TSPAN18: variants seen among roughly 807,000 people sequenced by gnomAD.
TSPAN18 encodes the protein tetraspanin 18, also known as tetraspanin-18.
Under a neutral mutation model 27.3 loss-of-function variants are expected in TSPAN18, and 14 were observed. The ratio of observed to expected loss-of-function variants is 0.51; its 90% confidence interval spans 0.34 to 0.80. The LOEUF is 0.80. Ranked by LOEUF, TSPAN18 falls within the 30% of genes least tolerant of loss-of-function variation. The pLI, the probability that TSPAN18 is intolerant of heterozygous loss-of-function variation, is 0.01. For missense variants in TSPAN18, 268 were observed against 323.9 expected (o/e 0.83, Z 1.32); for synonymous variants, 143 against 136.5 (o/e 1.05, Z -0.33).
At chr11:44,753,543 C>T (rs906031291) in intron 1 of TSPAN18, among the ~76,000 whole-genome samples, 1 of 152,172 alleles carries the variant, frequency 6.6e-6, no homozygotes, top group African/African-American at 2.4e-5. Flanking sequence ...CTGGACTCGC[C>T]GCTGCCACCC....
intron 2 of TSPAN18, chr11:44,859,664 C>T (rs1857825538): frequency 1.3e-5 from 2 of 152,324 alleles, no homozygotes; most frequent in South Asian, 2.1e-4. Context: ...AGCATCGTCC[C>T]CCGTCCGCCA....
intron 2 of TSPAN18, among the ~76,000 whole-genome samples, chr11:44,816,815 C>T (rs1856826629): frequency 6.6e-6 from 1 of 152,188 alleles, no homozygotes; most frequent in African/African-American, 2.4e-5. Context: ...GGCCATGGTG[C>T]CTCCTGAGCA....
At chr11:44,808,515 C>T (rs1856648766) in intron 2 of TSPAN18, among the ~76,000 whole-genome samples, 1 of 152,208 alleles carries the variant, frequency 6.6e-6, no homozygotes, top group Non-Finnish European at 1.5e-5. Context: ...GGGATCATCA[C>T]CTGATCTGTG....
chr11:44,839,047 T>G (rs2135160616), intron 2 of TSPAN18, among the ~76,000 whole-genome samples: 1 of 152,270 alleles, frequency 6.6e-6, no homozygotes, highest in East Asian at 1.9e-4. Context: ...GAGGGCCTTA[T>G]CCAATCCGTT....
At chr11:44,819,364 T>C (rs1046660078) in intron 2 of TSPAN18, among the ~76,000 whole-genome samples, 14 of 152,214 alleles carry the variant, frequency 9.2e-5, no homozygotes, top group African/African-American at 3.4e-4. Context: ...CAGAAACGGC[T>C]GCATTTCAGG....
chr11:44,912,399 G>GTC (rs1241343765), intron 5 of TSPAN18, among the ~76,000 whole-genome samples: 1 of 151,082 alleles, frequency 6.6e-6, no homozygotes, highest in African/African-American at 2.4e-5. Flanking sequence ...CCGTTTCCCT[G>GTC]TCTCTCTCTC....
Position 44,800,006 on chromosome 11 carries a change from G to GTT in TSPAN18, c.-153+35515_-153+35516dup, listed in dbSNP as rs60067559. ...CCACCACACCCGGCTAATTTTTTGT[G>GTT]TTTTTTTTTTTTTTTTTTTTTTGTA... is the stretch of plus-strand genomic sequence containing the variant. On this transcript the variant is annotated intron_variant, in intron 2 of 9. Transcript: ENST00000520358. 5.0e-3 allele frequency among the ~76,000 whole-genome samples: 548 copies of GTT among 109,310 alleles called. 4 individuals carry two copies. Among genetic ancestry groups the GTT allele is most frequent in the Non-Finnish European group, 6.3e-3 (351 of 55,836 alleles). The allele number at this position is 109,310 out of a possible 152,430, so 71.7% of individuals were successfully genotyped here. A position where few individuals can be genotyped will look rare whatever the true frequency, so the allele number is the denominator to read the frequency against.
intron 2 of TSPAN18, among the ~76,000 whole-genome samples, chr11:44,778,003 G>T (rs1449024286): frequency 6.6e-6 from 1 of 152,108 alleles, no homozygotes; most frequent in Non-Finnish European, 1.5e-5. Flanking sequence ...TACCCTAGGG[G>T]GTAGAGCACA....
At chr11:44,924,097 T>TTTG (rs1554941245) in intron 8 of TSPAN18, among the ~76,000 whole-genome samples, 1 of 145,774 alleles carries the variant, frequency 6.9e-6, no homozygotes, top group African/African-American at 2.6e-5. Flanking sequence ...CCTTCTGGGG[T>TTTG]TGTGTGTGTG....
At chr11:44,796,031 G>T (rs1307151706) in intron 2 of TSPAN18, among the ~76,000 whole-genome samples, 1 of 151,980 alleles carries the variant, frequency 6.6e-6, no homozygotes, top group Non-Finnish European at 1.5e-5. Context: ...GCCTTCCTGT[G>T]GTCCCTCCGT....
At chr11:44,868,212 C>T (rs1858092653) in intron 3 of TSPAN18, among the ~76,000 whole-genome samples, 1 of 152,186 alleles carries the variant, frequency 6.6e-6, no homozygotes, top group Admixed American at 6.5e-5. Context: ...AGGTGGCCAT[C>T]TGCCGTCACT....
chr11:44,841,504 A>G (rs1857372929), intron 2 of TSPAN18, among the ~76,000 whole-genome samples: 1 of 110,944 alleles, frequency 9.0e-6, no homozygotes, highest in Admixed American at 1.1e-4. Context: ...CAAGAGCACG[A>G]AATTCCATCT....
At chr11:44,810,604 C>CTT (rs34519569) in intron 2 of TSPAN18, among the ~76,000 whole-genome samples, 5,152 of 138,432 alleles carry the variant, frequency 0.037, 160 homozygotes, top group African/African-American at 0.077. Context: ...AATTTTTTTT[C>CTT]TTTTTTTTTT....
At chr11:44,881,607 T>C (rs1357505317) in intron 3 of TSPAN18, among the ~76,000 whole-genome samples, 5 of 152,124 alleles carry the variant, frequency 3.3e-5, no homozygotes, top group South Asian at 2.1e-4. Flanking sequence ...GGAAAATACA[T>C]CTCCGCCACC....
chr11:44,919,275 A>ACGT lies in TSPAN18; in HGVS notation c.397_399dup (p.Val133dup). 1 of 1,614,114 alleles carries ACGT rather than the reference A, an allele frequency of 6.2e-7. No homozygotes were observed. Among genetic ancestry groups the ACGT allele is most frequent in the Non-Finnish European group, 8.5e-7 (1 of 1,180,000 alleles). On this transcript the variant is annotated inframe_insertion, in exon 7 of 10. Transcript: ENST00000520358. ...CACTACCAGGGCAATAACGACACAG[A>ACGT]CGTCTTCTCTGCCACCTGGAACTCG...
intron 3 of TSPAN18, among the ~76,000 whole-genome samples, chr11:44,863,190 A>G (rs1200396179): frequency 6.6e-6 from 1 of 152,220 alleles, no homozygotes; most frequent in African/African-American, 2.4e-5. Flanking sequence ...AAGGCCTGTG[A>G]GCTGTGCCTA....
intron 3 of TSPAN18, chr11:44,903,977 GT>G (rs1469452618): frequency 2.4e-6 from 1 of 419,182 alleles, no homozygotes; most frequent in Non-Finnish European, 4.8e-6. Context: ...CTGGCACATA[GT>G]AAATGCTCAA....
At position 44,800,376 on chromosome 11, in the gene TSPAN18, A is replaced by T. The variant is rs184984632; in HGVS notation, c.-153+35864A>T. 2.0e-5 allele frequency among the ~76,000 whole-genome samples: 3 copies of T among 152,210 alleles called. No homozygotes were observed. In the East Asian group the frequency reaches 5.8e-4, roughly 30 times the overall value. ...GGGGATCTGGCGGATCTGGGGTTGG[A>T]GCCTCTTCTGCCTCACTTACATCTC... On this transcript the variant is annotated intron_variant, in intron 2 of 9. Transcript: ENST00000520358.
intron 2 of TSPAN18, among the ~76,000 whole-genome samples, chr11:44,766,260 T>C (rs1184246338): frequency 6.6e-6 from 1 of 152,226 alleles, no homozygotes; most frequent in Non-Finnish European, 1.5e-5. Context: ...AGGGCCAGGC[T>C]GAGGCCTTAG....
Sources: allele counts gnomAD v4.1 joint callset (sites outside exome capture counted in the v4.1 genomes callset), GRCh38; gene constraint gnomAD v4.1.1; transcripts MANE v1.5; gene names NCBI Gene and HGNC (gene_info 2026-07-23, HGNC 2026-07-21).